The following SYN1 variants were observed in gnomAD, a reference collection of about 807,000 sequenced individuals.
SYN1 encodes the protein synapsin-1.
Under a neutral mutation model 44.6 loss-of-function variants are expected in SYN1, and 8 were observed. That is an observed-to-expected ratio of 0.18 (90% CI 0.11 to 0.32). The LOEUF is 0.32. Among genes scored for constraint, SYN1 ranks in the 10% least tolerant of loss-of-function variants. The probability of loss-of-function intolerance (pLI) is 1.00; values close to 1 mark genes in which losing one functional copy is unlikely to be tolerated. For missense variants in SYN1, 451 were observed against 639.4 expected (o/e 0.71, Z 3.18); for synonymous variants, 275 against 280.1 (o/e 0.98, Z 0.18).
chrX:47,603,904 ATATT>A (rs1279862602), intron 5 of SYN1, among the ~76,000 whole-genome samples: 2 of 82,878 alleles, frequency 2.4e-5, no homozygotes, highest in African/African-American at 4.0e-5. Context: ...ATATATATAT[ATATT>A]TTTTTTTTTT....
Position 47,595,947 on chromosome X carries a change from A to C in SYN1, c.774+9031T>G, listed in dbSNP as rs5906437. On this transcript the variant is annotated intron_variant, in intron 5 of 12. Transcript: ENST00000295987. ...GACCAAGGTTTACAATTCAGAAAGCATTTTTTCAAGAAAATGGCTGAATCT... is the reference window on the plus strand; with the variant it reads ...GACCAAGGTTTACAATTCAGAAAGCCTTTTTTCAAGAAAATGGCTGAATCT... Among the ~76,000 whole-genome samples, 15 of 111,196 alleles carry C rather than the reference A, an allele frequency of 1.3e-4. No homozygotes were observed. The East Asian group carries it at 4.2e-3, about 31-fold the overall frequency.
chrX:47,601,864 C>T (rs2057880757), intron 5 of SYN1, among the ~76,000 whole-genome samples: 1 of 112,412 alleles, frequency 8.9e-6, no homozygotes, highest in South Asian at 3.7e-4. Context: ...TACACCTAGA[C>T]ACATCATAAA....
At chrX:47,594,547 GA>G (rs1182726637) in intron 5 of SYN1, among the ~76,000 whole-genome samples, 1 of 104,194 alleles carries the variant, frequency 9.6e-6, no homozygotes, top group African/African-American at 3.6e-5. Context: ...AAAAAAAAAA[GA>G]AAAAGAAAAA....
intron 1 of SYN1, among the ~76,000 whole-genome samples, chrX:47,609,020 A>C (rs2057909377): frequency 9.1e-6 from 1 of 109,338 alleles, no homozygotes; most frequent in Non-Finnish European, 1.9e-5. Context: ...ACACACACAC[A>C]CACACACACA....
intron 1 of SYN1, among the ~76,000 whole-genome samples, chrX:47,618,298 G>T (rs2057937082): frequency 8.9e-6 from 1 of 111,870 alleles, no homozygotes; most frequent in Non-Finnish European, 1.9e-5. Context: ...GGGGTATACA[G>T]CAGGCACCAG....
chrX:47,609,707 G>A lies in SYN1; in HGVS notation c.378-2509C>T, dbSNP rs770638668. ...GGGAGGTGGGGCATAGATAGCCTCC[G>A]ATATGCTGTAGCAACGCAAAGTGCT... is the stretch of plus-strand genomic sequence containing the variant. On this transcript the variant is annotated intron_variant, in intron 1 of 12. Transcript: ENST00000295987. Among the ~76,000 whole-genome samples the A allele has an allele frequency of 4.5e-5, 5 of 112,116 alleles. No homozygotes were observed. In the South Asian group the frequency reaches 1.1e-3, roughly 25 times the overall value.
intron 9 of SYN1, among the ~76,000 whole-genome samples, chrX:47,575,863 G>C (rs2057775915): frequency 8.9e-6 from 1 of 111,996 alleles, no homozygotes; most frequent in African/African-American, 3.3e-5. Context: ...AGGTTACTAA[G>C]TGCCTCGCCA....
intron 5 of SYN1, among the ~76,000 whole-genome samples, chrX:47,588,018 G>T (rs1444602530): frequency 1.8e-5 from 2 of 112,026 alleles, no homozygotes; most frequent in Admixed American, 1.9e-4. Context: ...CAGCCCCCTG[G>T]ATCTTCTGTG....
At chrX:47,579,849 G>C (rs1163959150) in intron 5 of SYN1, among the ~76,000 whole-genome samples, 18 of 83,152 alleles carry the variant, frequency 2.2e-4, no homozygotes, top group Non-Finnish European at 3.0e-4. Context: ...TGTTTTTGTC[G>C]CCCCCCCACC....
rs1603051010 is a variant in SYN1, at chrX:47,575,206, G to T, written c.1227C>A (p.Leu409=). The change falls in exon 10 of 13, where the codon CTC becomes CTA. Residue 409 remains leucine, a synonymous_variant. Coordinates refer to ENST00000295987, the MANE Select transcript of SYN1 (RefSeq NM_006950.3). The part of the protein sequence containing the change: ...QDEDKQLIVE[L]VVNKMAQALP... Reference sequence around the variant, plus strand: ...GGGCCTGAGCCATCTTGTTGACCACGAGCTCTACGATGAGCTGTTTGTCTT... The same window carrying T: ...GGGCCTGAGCCATCTTGTTGACCACTAGCTCTACGATGAGCTGTTTGTCTT... The T allele has an allele frequency of 1.7e-6, 2 of 1,203,484 alleles. No homozygotes were observed.
At chrX:47,573,410 CTGT>C (rs2057766310) in intron 12 of SYN1, among the ~76,000 whole-genome samples, 1 of 111,685 alleles carries the variant, frequency 9.0e-6, no homozygotes, top group Non-Finnish European at 1.9e-5. Context: ...CAAGGACAGG[CTGT>C]TGGGCAAGTC....
chrX:47,581,853 A>G (rs1298576207), intron 5 of SYN1, among the ~76,000 whole-genome samples: 1 of 111,135 alleles, frequency 9.0e-6, no homozygotes, highest in Non-Finnish European at 1.9e-5. Context: ...TCTGCCATGT[A>G]TTGACTCTGT....
chrX:47,607,910 T>A (rs1244734903), intron 1 of SYN1, among the ~76,000 whole-genome samples: 5 of 109,808 alleles, frequency 4.6e-5, no homozygotes, highest in African/African-American at 1.7e-4. Flanking sequence ...CATGCCTGTA[T>A]TCCCAGCTAC....
chrX:47,574,056 T>C lies in SYN1; in HGVS notation c.1928A>G (p.Asp643Gly). 8.7e-7 allele frequency: 1 copy of C among 1,153,152 alleles called. No individual in the cohort carries two copies. Among genetic ancestry groups the C allele is most frequent in the Non-Finnish European group, 1.1e-6 (1 of 870,073 alleles). ...KPQLAQKPSQDVPPPATAAAG... is the reference protein window; with the variant it reads ...KPQLAQKPSQGVPPPATAAAG... Reference sequence around the variant, plus strand: ...AGCGGCGGTGGCGGGTGGCGGCACGTCCTGGCTGGGTTTCTGGGCCAGCTG... The same window carrying C: ...AGCGGCGGTGGCGGGTGGCGGCACGCCCTGGCTGGGTTTCTGGGCCAGCTG... Residue 643 changes from aspartate to glycine, a missense_variant, in exon 12 of 13, where the codon GAC becomes GGC. Asp to Gly is a moderately conservative substitution (Grantham distance 94). This residue lies in a region of SYN1 where 127 missense variants were observed against 154.8 expected (regional missense o/e 0.82). Transcript: ENST00000295987.
At chrX:47,593,512 A>C (rs1054696959) in intron 5 of SYN1, among the ~76,000 whole-genome samples, 1 of 110,927 alleles carries the variant, frequency 9.0e-6, no homozygotes, top group African/African-American at 3.3e-5. Context: ...CAAGTGATCC[A>C]CCTGCCCTGG....
intron 1 of SYN1, among the ~76,000 whole-genome samples, chrX:47,613,400 CAG>C (rs2057922405): frequency 9.0e-6 from 1 of 111,509 alleles, no homozygotes; most frequent in Non-Finnish European, 1.9e-5. Flanking sequence ...CTGCCAGCAA[CAG>C]AGACTAACAT....
chrX:47,588,774 G>A (rs920535943), intron 5 of SYN1, among the ~76,000 whole-genome samples: 84 of 112,068 alleles, frequency 7.5e-4, no homozygotes, highest in African/African-American at 2.5e-3. Flanking sequence ...GAGAGACTCT[G>A]TGACAGCTGA....
chrX:47,606,752 T>TATATA (rs369347566), intron 3 of SYN1, among the ~76,000 whole-genome samples, 193 bp downstream of exon 3: 70 of 94,547 alleles, frequency 7.4e-4, no homozygotes, highest in African/African-American at 3.1e-3. Context: ...TATATATATA[T>TATATA]TTTTTTTTAA....
chrX:47,582,566 C>T (rs372276896), intron 5 of SYN1: 47 of 362,823 alleles, frequency 1.3e-4, no homozygotes, highest in African/African-American at 1.2e-3. Flanking sequence ...GTGCCAGATG[C>T]CTGTCTACTC....
Sources: gnomAD v4.1 joint callset for allele counts (sites outside exome capture counted in the v4.1 genomes callset) on GRCh38, gnomAD v4.1.1 for gene constraint, gnomAD v4.1.1 regional missense constraint, MANE v1.5 for transcripts, NCBI Gene and HGNC (gene_info 2026-07-23, HGNC 2026-07-21) for gene names.